The following MEAF6 variants were observed in gnomAD, a reference collection of about 807,000 sequenced individuals.
MEAF6 encodes chromatin modification-related protein MEAF6.
A neutral mutation model predicts 28.9 loss-of-function variants in MEAF6; 15 were observed. That is an observed-to-expected ratio of 0.52 (90% CI 0.35 to 0.80). The LOEUF is 0.80. Ranked by LOEUF, MEAF6 falls within the 30% of genes least tolerant of loss-of-function variation. The pLI is 0.01. For synonymous variants in MEAF6, 97 were observed against 88.7 expected (o/e 1.09, Z -0.53); for missense variants, 178 against 237.5 (o/e 0.75, Z 1.65).
At chr1:37,497,405 C>T (rs1054522506) in intron 5 of MEAF6, among the ~76,000 whole-genome samples, 1 of 151,958 alleles carries the variant, frequency 6.6e-6, no homozygotes, top group Non-Finnish European at 1.5e-5. Flanking sequence ...ACACCATGCT[C>T]CTTTTCTACA....
At chr1:37,500,675 A>G (rs954656976) in intron 5 of MEAF6, among the ~76,000 whole-genome samples, 1 of 152,226 alleles carries the variant, frequency 6.6e-6, no homozygotes. Context: ...GCTGACGCCA[A>G]TCAAGGAGGT....
chr1:37,508,245 G>A (rs984674400), intron 4 of MEAF6, among the ~76,000 whole-genome samples: 1 of 149,144 alleles, frequency 6.7e-6, no homozygotes, highest in Non-Finnish European at 1.5e-5. Context: ...AGAACATACA[G>A]GTACATCCTA....
At chr1:37,494,813 A>T (rs1208088621) in intron 6 of MEAF6, among the ~76,000 whole-genome samples, 1 of 152,028 alleles carries the variant, frequency 6.6e-6, no homozygotes, top group East Asian at 1.9e-4. Flanking sequence ...CCTGGGTGAC[A>T]GAGCCAGACC....
intron 4 of MEAF6, among the ~76,000 whole-genome samples, chr1:37,504,800 TACACACACACACACACAC>T (rs143477333): frequency 7.4e-6 from 1 of 135,120 alleles, no homozygotes; most frequent in East Asian, 2.1e-4. Context: ...AAAATTTATA[TACACACACACACACACAC>T]ACACACACAT....
chr1:37,500,347 T>C (rs987520877), intron 5 of MEAF6, among the ~76,000 whole-genome samples: 1 of 152,024 alleles, frequency 6.6e-6, no homozygotes, highest in African/African-American at 2.4e-5. Flanking sequence ...ATAAAAGCAA[T>C]ACAGAGCATG....
chr1:37,494,146 C>A (rs753150014), intron 6 of MEAF6, 39 bp from the exon 7 acceptor site: 2 of 1,565,770 alleles, frequency 1.3e-6, no homozygotes, highest in South Asian at 2.2e-5. Flanking sequence ...TTACTCTCGG[C>A]AGAACAGTTG....
chr1:37,509,422 C>T, intron 3 of MEAF6, 33 bp downstream of exon 3: 1 of 1,611,020 alleles, frequency 6.2e-7, no homozygotes, highest in Non-Finnish European at 8.5e-7. Flanking sequence ...CAACAACAGG[C>T]CAAAGAAAGA....
rs755706039 is a variant in MEAF6, at chr1:37,514,619, G to A, written c.90+38C>T. The A allele has an allele frequency of 7.0e-6, 10 of 1,437,678 alleles. No individual in the cohort carries two copies. The East Asian group carries it at 3.1e-4, about 45-fold the overall frequency. The allele number at this position is 1,437,678 out of a possible 1,614,324, so 89.1% of individuals were successfully genotyped here. ...GGGGCCTGGAGGCGGGGCGGGCGCG[G>A]AGCCCCATGCCGTGCAACCCCTGTC... On this transcript the variant is annotated intron_variant, in intron 1 of 6. Transcript: ENST00000296214.
In MEAF6 at chr1:37,493,055, C is replaced by T. The variant is rs1641991686; in HGVS notation, c.*1044G>A. On this transcript the variant is annotated 3_prime_UTR_variant, in exon 7 of 7. Transcript: ENST00000296214. ...AGCAGATTCCTCAGCCCCAACAAGC[C>T]CTCCAAGAAAGGGAGACCTGGTGGG... 6.6e-6 allele frequency: 1 copy of T among 152,194 alleles called. No homozygotes were observed. The highest frequency in any genetic ancestry group is 1.5e-5 in the Non-Finnish European group (1 of 68,046). 9.4% of individuals were successfully genotyped at this position (152,194 alleles called of 1,614,324 possible). A position where few individuals can be genotyped will look rare whatever the true frequency, so the allele number is the denominator to read the frequency against.
chr1:37,509,867 C>T (rs1642608308), intron 2 of MEAF6, among the ~76,000 whole-genome samples: 1 of 152,156 alleles, frequency 6.6e-6, no homozygotes, highest in Admixed American at 6.5e-5. Flanking sequence ...ACCTCTGCCC[C>T]TTGGGTTGAA....
chr1:37,513,375 A>G (rs762666664), intron 2 of MEAF6, 48 bp downstream of exon 2: 11 of 1,478,388 alleles, frequency 7.4e-6, no homozygotes, highest in Non-Finnish European at 8.5e-6. Flanking sequence ...TCCTAAAAAC[A>G]AACGTTACTA....
chr1:37,508,898 A>C (rs957794010), intron 4 of MEAF6, among the ~76,000 whole-genome samples: 7 of 152,192 alleles, frequency 4.6e-5, no homozygotes, highest in Admixed American at 6.5e-5. Flanking sequence ...GGAATTATGG[A>C]CTAGCCTGGG....
At chr1:37,514,533 G>A (rs1363753860) in intron 1 of MEAF6, 124 bp downstream of exon 1, 2 of 623,128 alleles carry the variant, frequency 3.2e-6, no homozygotes, top group South Asian at 4.1e-5. Flanking sequence ...TCAGGCCGCC[G>A]AGCACCCGGC....
chr1:37,492,175 C>A lies in MEAF6; in HGVS notation c.*1924G>T, dbSNP rs964819823. Among the ~76,000 whole-genome samples the A allele has an allele frequency of 1.3e-5, 2 of 152,064 alleles. No individual in the cohort carries two copies. Among genetic ancestry groups the A allele is most frequent in the Non-Finnish European group, 2.9e-5 (2 of 68,014 alleles). ...TCCCGAGTAGCTGGGACTACCGGCACCCGCCACCACGCTCAGCTAATTTTT... is the reference window on the plus strand; with the variant it reads ...TCCCGAGTAGCTGGGACTACCGGCAACCGCCACCACGCTCAGCTAATTTTT... On this transcript the variant is annotated 3_prime_UTR_variant, in exon 7 of 7. Coordinates refer to ENST00000296214, the MANE Select transcript of MEAF6 (RefSeq NM_001270875.3).
intron 5 of MEAF6, among the ~76,000 whole-genome samples, chr1:37,497,074 C>G (rs184153139): frequency 2.2e-3 from 335 of 152,160 alleles, no homozygotes; most frequent in Admixed American, 3.7e-3. Flanking sequence ...TTAGAAGAAA[C>G]AGAGAAAGAA....
At chr1:37,499,518 C>T (rs1380216019) in intron 5 of MEAF6, among the ~76,000 whole-genome samples, 2 of 152,126 alleles carry the variant, frequency 1.3e-5, no homozygotes, top group East Asian at 3.9e-4. Context: ...CGCTCGTGTG[C>T]CATTCAGGCA....
chr1:37,495,344 A>C (rs1020957111), intron 6 of MEAF6, among the ~76,000 whole-genome samples: 7 of 147,544 alleles, frequency 4.7e-5, no homozygotes, highest in African/African-American at 1.8e-4. Context: ...AAATAAATAA[A>C]TAAATAAATA....
chr1:37,496,623 A>G, intron 5 of MEAF6: 1 of 1,545,868 alleles, frequency 6.5e-7, no homozygotes, highest in Non-Finnish European at 8.8e-7. Context: ...AAACAGATAA[A>G]CTATGGGTTA....
intron 4 of MEAF6, among the ~76,000 whole-genome samples, chr1:37,506,478 C>T (rs988929306): frequency 1.3e-5 from 2 of 152,120 alleles, no homozygotes; most frequent in Non-Finnish European, 2.9e-5. Context: ...TTCAAGTGAT[C>T]CTTCTCCCTC....
Sources: gnomAD v4.1 joint callset for allele counts (sites outside exome capture counted in the v4.1 genomes callset) on GRCh38, gnomAD v4.1.1 for gene constraint, MANE v1.5 for transcripts, NCBI Gene and HGNC (gene_info 2026-07-23, HGNC 2026-07-21) for gene names.